PCDHA3: variants seen among roughly 807,000 people sequenced by gnomAD.
PCDHA3 encodes the protein protocadherin alpha 3.
PCDHA3 carries 41 observed loss-of-function variants against 62.2 expected under a neutral mutation model. That is an observed-to-expected ratio of 0.66 (90% confidence interval 0.51 to 0.86). PCDHA3 has a LOEUF of 0.86. Among genes scored for constraint, PCDHA3 ranks in the 40% least tolerant of loss-of-function variants. The pLI, the probability that PCDHA3 is intolerant of heterozygous loss-of-function variation, is 0.00. For synonymous variants in PCDHA3, 640 were observed against 555.4 expected, an observed-to-expected ratio of 1.15 and a Z score of -2.14; for missense variants, 1,304 against 1,241.2, an observed-to-expected ratio of 1.05 and a Z score of -0.76.
At chr5:140,813,514 A>C (rs1765320066) in intron 1 of PCDHA3, 2 of 152,204 alleles carry the variant, frequency 1.3e-5, no homozygotes, top group Non-Finnish European at 2.9e-5. Flanking sequence ...AAAACATTGT[A>C]CAGATTTTTA....
chr5:140,924,178 A>C (rs2081709408), intron 1 of PCDHA3, among the ~76,000 whole-genome samples: 3 of 152,260 alleles, frequency 2.0e-5, no homozygotes. Context: ...GCACTGAAGC[A>C]GAAAATTAGT....
rs1374151299 is a variant in PCDHA3 at position 141,010,790 on chromosome 5, A to G, written c.*853A>G. The G allele has an allele frequency of 2.0e-5, 3 of 153,822 alleles. No homozygotes were observed. Among genetic ancestry groups the G allele is most frequent in the Admixed American group, 6.5e-5 (1 of 15,286 alleles). The allele number at this position is 153,822 out of a possible 1,614,324, so 9.5% of individuals were successfully genotyped here. Reference sequence around the variant, plus strand: ...CTTTTCCAATACTTATGCAAAAGCAAAAGAAAACCCCGACACCTCACCTTT... The same window carrying G: ...CTTTTCCAATACTTATGCAAAAGCAGAAGAAAACCCCGACACCTCACCTTT... On this transcript the variant is annotated 3_prime_UTR_variant, in exon 4 of 4. Coordinates refer to ENST00000522353, the MANE Select transcript of PCDHA3 (RefSeq NM_018906.3).
chr5:140,921,168 C>A (rs1260180010), intron 1 of PCDHA3, among the ~76,000 whole-genome samples: 1 of 151,534 alleles, frequency 6.6e-6, no homozygotes, highest in Non-Finnish European at 1.5e-5. Context: ...TTTTAACACA[C>A]ATAAAGCACA....
intron 1 of PCDHA3, chr5:140,842,916 A>T: frequency 6.3e-7 from 1 of 1,594,694 alleles, no homozygotes; most frequent in East Asian, 2.2e-5. Flanking sequence ...GAGCTGCTGC[A>T]GTTCCAGGTG....
chr5:140,829,133 C>G (rs2150162855), intron 1 of PCDHA3: 1 of 1,612,836 alleles, frequency 6.2e-7, no homozygotes, highest in South Asian at 1.1e-5. Flanking sequence ...TGATAACGTC[C>G]CTGAGATAGC....
At position 140,842,830 on chromosome 5, in the gene PCDHA3, G is replaced by T. The variant is rs1554139431; in HGVS notation, c.2394+39239G>T. ...TGGAGCGGCGGGTGGGCGAGCGCTC[G>T]CTGTCGAGCTACATTTCGGTGCACA... On this transcript the variant is annotated intron_variant, in intron 1 of 3. Coordinates refer to ENST00000522353, the MANE Select transcript of PCDHA3 (RefSeq NM_018906.3). 1.0e-5 allele frequency: 16 copies of T among 1,593,780 alleles called. 3 individuals are homozygous for T. The South Asian group carries it at 1.8e-4, about 18-fold the overall frequency.
intron 1 of PCDHA3, among the ~76,000 whole-genome samples, chr5:140,898,222 T>G (rs1373386970): frequency 1.3e-5 from 2 of 152,230 alleles, no homozygotes; most frequent in Non-Finnish European, 2.9e-5. Flanking sequence ...TTTTGGCTTT[T>G]GTTGCCATTG....
chr5:140,810,607 A>G (rs1418736500), intron 1 of PCDHA3: 1 of 152,144 alleles, frequency 6.6e-6, no homozygotes, highest in African/African-American at 2.4e-5. Flanking sequence ...GGCAATTTTT[A>G]TACCTTATTT....
At chr5:140,848,343 C>G (rs1581147757) in intron 1 of PCDHA3, 14 of 898,934 alleles carry the variant, frequency 1.6e-5, no homozygotes, top group Non-Finnish European at 2.1e-5. Context: ...CAGACAAATA[C>G]AGCCCTTTTC....
intron 1 of PCDHA3, chr5:140,804,610 T>C (rs1554123107): frequency 6.5e-6 from 1 of 152,848 alleles, no homozygotes; most frequent in East Asian, 1.9e-4. Flanking sequence ...TATAATGTTA[T>C]TACTGGTTAA....
intron 1 of PCDHA3, among the ~76,000 whole-genome samples, chr5:140,975,004 T>C (rs1464460351): frequency 2.6e-5 from 4 of 152,170 alleles, no homozygotes; most frequent in African/African-American, 9.7e-5. Flanking sequence ...AAGGCTGAAA[T>C]GAACACAGCT....
At chr5:140,929,160 T>G in intron 1 of PCDHA3, 1 of 1,614,130 alleles carries the variant, frequency 6.2e-7, no homozygotes, top group East Asian at 2.2e-5. Context: ...CTTATCTCTA[T>G]CGGGCCTCTC....
intron 1 of PCDHA3, chr5:140,835,993 C>T: frequency 6.2e-7 from 1 of 1,613,346 alleles, no homozygotes; most frequent in Non-Finnish European, 8.5e-7. Context: ...CAGGTGAGCG[C>T]GCGCGATGCG....
chr5:140,876,478 G>A (rs782344970), intron 1 of PCDHA3: 1 of 1,614,032 alleles, frequency 6.2e-7, no homozygotes. Flanking sequence ...TCACAGCATG[G>A]TCCTGGTGGA....
chr5:140,926,905 G>A (rs1228610236), intron 1 of PCDHA3: 1 of 1,558,988 alleles, frequency 6.4e-7, no homozygotes, highest in Admixed American at 1.8e-5. Flanking sequence ...GGTGGGCTGT[G>A]GGGTGGCAGT....
intron 1 of PCDHA3, chr5:140,850,825 C>T (rs2150499781): frequency 5.0e-6 from 8 of 1,598,102 alleles, no homozygotes; most frequent in African/African-American, 2.7e-5. Context: ...CCGGGCCTTT[C>T]TCCTTGTGCT....
chr5:140,950,865 T>C (rs1419138561), intron 1 of PCDHA3, among the ~76,000 whole-genome samples: 1 of 152,098 alleles, frequency 6.6e-6, no homozygotes, highest in Non-Finnish European at 1.5e-5. Context: ...TTCTTGTATA[T>C]TCTATATTGT....
At chr5:141,002,014 C>T (rs1025365420) in intron 3 of PCDHA3, among the ~76,000 whole-genome samples, 1 of 152,220 alleles carries the variant, frequency 6.6e-6, no homozygotes, top group Non-Finnish European at 1.5e-5. Context: ...AGAATCTGCA[C>T]AGCCTTCGGT....
chr5:140,978,794 T>A, intron 1 of PCDHA3, 155 bp from the exon 2 acceptor site: 1 of 978,746 alleles, frequency 1.0e-6, no homozygotes, highest in Non-Finnish European at 1.2e-6. Flanking sequence ...GTGCTATATA[T>A]GTAGATATCA....
Sources: allele counts gnomAD v4.1 joint callset (sites outside exome capture counted in the v4.1 genomes callset), GRCh38; gene constraint gnomAD v4.1.1; transcripts MANE v1.5; gene names NCBI Gene and HGNC (gene_info 2026-07-23, HGNC 2026-07-21).